Variants in NFKB1 observed in about 807,000 individuals in gnomAD.
NFKB1 encodes nuclear factor kappa B subunit 1.
A neutral mutation model predicts 105.1 loss-of-function variants in NFKB1; 9 were observed. That is an observed-to-expected ratio of 0.09 (90% CI 0.05 to 0.15). The LOEUF is 0.15. Ranked by LOEUF, NFKB1 falls within the 10% of genes least tolerant of loss-of-function variation. The pLI is 1.00. For missense variants in NFKB1, 830 were observed against 1,203.7 expected (o/e 0.69, Z 4.59); for synonymous variants, 440 against 442.2 (o/e 1.00, Z 0.06).
intron 3 of NFKB1, among the ~76,000 whole-genome samples, chr4:102,531,844 T>G (rs1241711695): frequency 6.6e-6 from 1 of 152,190 alleles, no homozygotes; most frequent in Non-Finnish European, 1.5e-5. Flanking sequence ...TAATAAAAAG[T>G]GAGAGACTTG....
At chr4:102,574,539 C>T (rs1178855708) in intron 6 of NFKB1, among the ~76,000 whole-genome samples, 1 of 152,046 alleles carries the variant, frequency 6.6e-6, no homozygotes, top group African/African-American at 2.4e-5. Context: ...CCTTGGCTTC[C>T]TCCAATATTT....
In NFKB1 at chr4:102,528,213, C is replaced by T. The variant is rs1025061245; in HGVS notation, c.40-1623C>T. On this transcript the variant is annotated intron_variant, in intron 2 of 23. Transcript: ENST00000226574. ...CCACTCGCCAGTCATTTAGCCACCA[C>T]AGGAAAGAGTTTTCCTGCTAGGTTA... 8.5e-5 allele frequency among the ~76,000 whole-genome samples: 13 copies of T among 152,140 alleles called. 1 individual carries two copies. The highest frequency in any genetic ancestry group is 1.3e-4 in the Non-Finnish European group (9 of 68,026).
chr4:102,525,278 G>A (rs187661935), intron 1 of NFKB1, among the ~76,000 whole-genome samples: 460 of 152,264 alleles, frequency 3.0e-3, no homozygotes, highest in Non-Finnish European at 4.8e-3. Flanking sequence ...AGCTTAACAC[G>A]AGGGTATTGA....
chr4:102,525,664 A>T (rs1417438672), intron 2 of NFKB1, 107 bp downstream of exon 2: 1 of 1,036,604 alleles, frequency 9.6e-7, no homozygotes, highest in African/African-American at 1.7e-5. Flanking sequence ...TAAAATTAGT[A>T]AATTTTTTTT....
intron 1 of NFKB1, among the ~76,000 whole-genome samples, chr4:102,504,580 C>G (rs907221066): frequency 1.3e-5 from 2 of 152,172 alleles, no homozygotes; most frequent in Admixed American, 6.5e-5. Flanking sequence ...ACATTTGTGT[C>G]TAATCAGCAT....
Position 102,578,973 on chromosome 4 carries a change from C to T in NFKB1, c.664C>T (p.Pro222Ser). Residue 222 changes from proline (P) to serine (S), a missense_variant, in exon 8 of 24, where the codon CCG becomes TCG. Pro to Ser is a moderately conservative substitution (Grantham distance 74). Coordinates refer to ENST00000226574, the MANE Select transcript of NFKB1 (RefSeq NM_003998.4). ...VVRLMFTAFL[P>S]DSTGSFTRRL... ...GCGGCTCATGTTTACAGCTTTTCTT[C>T]CGGATAGCACTGGCAGCTTCACAAG... 1 of 1,614,120 alleles carries T rather than the reference C, an allele frequency of 6.2e-7. No homozygotes were observed. The highest frequency in any genetic ancestry group is 8.5e-7 in the Non-Finnish European group (1 of 1,180,000).
At chr4:102,528,828 C>A (rs745451972) in intron 2 of NFKB1, among the ~76,000 whole-genome samples, 3 of 152,076 alleles carry the variant, frequency 2.0e-5, no homozygotes, top group African/African-American at 7.2e-5. Context: ...AACACATTAC[C>A]ACATACTTGG....
intron 10 of NFKB1, among the ~76,000 whole-genome samples, chr4:102,584,072 A>G (rs1188346295): frequency 6.6e-6 from 1 of 152,212 alleles, no homozygotes; most frequent in East Asian, 1.9e-4. Context: ...GGTACACTGT[A>G]GGAACTGCAT....
rs1457583871 is a variant in NFKB1, at chr4:102,606,528, G to A, written c.1785G>A (p.Gln595=). 1.2e-6 allele frequency: 2 copies of A among 1,614,040 alleles called. No homozygotes were observed. The highest frequency in any genetic ancestry group is 2.7e-5 in the African/African-American group (2 of 74,916). ...TGCACTTGGCAGTGATCACTAAGCA[G>A]GAAGATGTGGTGGAGGATTTGCTGA... ...TPLHLAVITK[Q]EDVVEDLLRA... is the part of the protein sequence containing the mutation. Residue 595 remains glutamine (Q), a synonymous_variant, in exon 17 of 24, where the codon CAG becomes CAA. Transcript: ENST00000226574.
chr4:102,544,647 G>A (rs1237730088), intron 5 of NFKB1, among the ~76,000 whole-genome samples: 6 of 152,050 alleles, frequency 3.9e-5, no homozygotes, highest in African/African-American at 1.4e-4. Flanking sequence ...CAGAAGTTTT[G>A]TATTTTGTCC....
At chr4:102,557,895 T>TA (rs1723109172) in intron 5 of NFKB1, among the ~76,000 whole-genome samples, 1 of 152,160 alleles carries the variant, frequency 6.6e-6, no homozygotes, top group Admixed American at 6.5e-5. Context: ...TTTTACCAGA[T>TA]ACTGTAGGGC....
At chr4:102,509,692 A>T (rs1420675311) in intron 1 of NFKB1, among the ~76,000 whole-genome samples, 1 of 152,184 alleles carries the variant, frequency 6.6e-6, no homozygotes, top group Non-Finnish European at 1.5e-5. Context: ...GGGTCCATTC[A>T]GTAGATTTCT....
chr4:102,606,535 G>T lies in NFKB1; in HGVS notation c.1792G>T (p.Val598Leu). Residue 598 changes from valine (V) to leucine (L), a missense_variant, in exon 17 of 24, where the codon GTG (valine) becomes TTG (leucine). Around this residue, in one of 8 missense-constraint regions of NFKB1, gnomAD observed 418 missense variants for 575.3 expected, o/e 0.73. Coordinates refer to ENST00000226574, the MANE Select transcript of NFKB1 (RefSeq NM_003998.4). The part of the protein sequence containing the change: ...HLAVITKQED[V>L]VEDLLRAGAD... ...GGCAGTGATCACTAAGCAGGAAGAT[G>T]TGGTGGAGGATTTGCTGAGGGCTGG... 2 of 1,614,206 alleles carry T rather than the reference G, an allele frequency of 1.2e-6. No homozygotes were observed. Among genetic ancestry groups the T allele is most frequent in the Non-Finnish European group, 1.7e-6 (2 of 1,180,050 alleles).
chr4:102,606,809 C>A, intron 17 of NFKB1, 112 bp downstream of exon 17: 1 of 1,132,354 alleles, frequency 8.8e-7, no homozygotes, highest in Non-Finnish European at 1.3e-6. Context: ...TTTCCTTAGT[C>A]ACCTGGAGTT....
chr4:102,513,015 C>T (rs181384571), intron 1 of NFKB1, among the ~76,000 whole-genome samples: 43 of 152,328 alleles, frequency 2.8e-4, no homozygotes, highest in African/African-American at 9.1e-4. Context: ...AGGTCTACTT[C>T]TTCCTCAGTC....
chr4:102,538,927 C>T (rs1741813648), intron 5 of NFKB1, among the ~76,000 whole-genome samples: 1 of 151,896 alleles, frequency 6.6e-6, no homozygotes, highest in African/African-American at 2.4e-5. Flanking sequence ...TAGAGCAGGC[C>T]CTCAGCAAAG....
In NFKB1 at chr4:102,501,629, T is replaced by TGGCCC. The variant is rs1170619107; in HGVS notation, c.-161_-157dup. The TGGCCC allele has an allele frequency of 2.0e-5, 3 of 148,788 alleles. No homozygotes were observed. The highest frequency in any genetic ancestry group is 7.3e-5 in the African/African-American group (3 of 41,024). 9.2% of individuals were successfully genotyped at this position (148,788 alleles called of 1,614,324 possible). A position where few individuals can be genotyped will look rare whatever the true frequency, so the allele number is the denominator to read the frequency against. On this transcript the variant is annotated 5_prime_UTR_variant, in exon 1 of 24. Coordinates refer to ENST00000226574, the MANE Select transcript of NFKB1 (RefSeq NM_003998.4). ...GGCCATGGCGCGGCGCTGACTGGCCTGGCCCGGCCCCGCCGCGCTCCCGCT... is the reference window on the plus strand; with the variant it reads ...GGCCATGGCGCGGCGCTGACTGGCCTGGCCCGGCCCGGCCCCGCCGCGCTCCCGCT...
chr4:102,575,434 AC>A (rs1011615203), intron 6 of NFKB1, among the ~76,000 whole-genome samples: 1 of 150,414 alleles, frequency 6.6e-6, no homozygotes, highest in African/African-American at 2.4e-5. Flanking sequence ...TCTTTCCTCT[AC>A]TAATTTTTTT....
intron 12 of NFKB1, among the ~76,000 whole-genome samples, chr4:102,594,494 T>C (rs565801261): frequency 6.6e-5 from 10 of 152,204 alleles, no homozygotes; most frequent in Non-Finnish European, 7.3e-5. Context: ...CATTTTTCCA[T>C]TGAGGAGTCA....
Sources: allele counts gnomAD v4.1 joint callset (sites outside exome capture counted in the v4.1 genomes callset), GRCh38; gene constraint gnomAD v4.1.1; regional missense constraint gnomAD v4.1.1; transcripts MANE v1.5; gene names NCBI Gene and HGNC (gene_info 2026-07-23, HGNC 2026-07-21).